GRM8: variants seen among roughly 807,000 people sequenced by gnomAD.
The protein encoded by GRM8 is glutamate metabotropic receptor 8, also known as metabotropic glutamate receptor 8.
Under a neutral mutation model 87.2 loss-of-function variants are expected in GRM8, and 47 were observed. The observed-to-expected ratio is 0.54, with a 90% CI of 0.43 to 0.69. GRM8 has a LOEUF of 0.69. Ranked by LOEUF, GRM8 falls within the 30% of genes least tolerant of loss-of-function variation. The pLI is 0.00. For synonymous variants in GRM8, 396 were observed against 404.5 expected, an observed-to-expected ratio of 0.98 and a Z score of 0.25; for missense variants, 1,019 against 1,139.2, an observed-to-expected ratio of 0.89 and a Z score of 1.52.
At chr7:126,532,064 C>T (rs1473525946) in intron 9 of GRM8, among the ~76,000 whole-genome samples, 1 of 152,206 alleles carries the variant, frequency 6.6e-6, no homozygotes, top group Non-Finnish European at 1.5e-5. Flanking sequence ...CATCCCACTA[C>T]CCGAAAAGTG....
At chr7:126,544,196 T>C (rs1484041354) in intron 8 of GRM8, among the ~76,000 whole-genome samples, 1 of 152,224 alleles carries the variant, frequency 6.6e-6, no homozygotes. Flanking sequence ...CCAACCCCTA[T>C]ATAAGACTTA....
At chr7:126,567,322 A>G (rs1295204355) in intron 8 of GRM8, among the ~76,000 whole-genome samples, 1 of 148,598 alleles carries the variant, frequency 6.7e-6, no homozygotes, top group Admixed American at 6.9e-5. Context: ...AAAACCAAAC[A>G]CCGCATTTTC....
At chr7:127,136,390 T>A (rs1188388068) in intron 2 of GRM8, among the ~76,000 whole-genome samples, 1 of 152,116 alleles carries the variant, frequency 6.6e-6, no homozygotes, top group Non-Finnish European at 1.5e-5. Flanking sequence ...GCAGAATGGA[T>A]TATGTTGTAT....
At chr7:126,677,486 C>T (rs567051506) in intron 7 of GRM8, among the ~76,000 whole-genome samples, 17 of 151,948 alleles carry the variant, frequency 1.1e-4, no homozygotes, top group African/African-American at 2.9e-4. Context: ...ATAAATAAAA[C>T]GTCATATATA....
intron 2 of GRM8, among the ~76,000 whole-genome samples, chr7:127,158,823 A>C (rs1466673262): frequency 6.6e-6 from 1 of 151,832 alleles, no homozygotes; most frequent in Non-Finnish European, 1.5e-5. Flanking sequence ...AAAAGGCTGA[A>C]TATGCTCTCC....
chr7:127,100,069 A>C (rs922862616), intron 3 of GRM8, among the ~76,000 whole-genome samples: 6 of 152,194 alleles, frequency 3.9e-5, no homozygotes, highest in Admixed American at 6.5e-5. Context: ...AAGCTAATAG[A>C]GGCAAGGAGG....
intron 3 of GRM8, among the ~76,000 whole-genome samples, chr7:127,088,358 T>C (rs10954143): frequency 0.7 from 106,727 of 152,138 alleles, 38,611 homozygotes; most frequent in African/African-American, 0.83. Context: ...CACACTAGGG[T>C]TGGTGAAGGC....
intron 8 of GRM8, among the ~76,000 whole-genome samples, chr7:126,564,018 G>A (rs1360508511): frequency 6.6e-6 from 1 of 152,180 alleles, no homozygotes; most frequent in Non-Finnish European, 1.5e-5. Flanking sequence ...GATGGTTATG[G>A]TTATATTTAG....
chr7:127,155,910 TA>T (rs958145361), intron 2 of GRM8, among the ~76,000 whole-genome samples: 3 of 152,120 alleles, frequency 2.0e-5, no homozygotes, highest in African/African-American at 4.8e-5. Flanking sequence ...AACAGAAGGC[TA>T]AACTTGTGGC....
At chr7:126,527,747 T>G (rs77564363) in intron 9 of GRM8, among the ~76,000 whole-genome samples, 1,947 of 152,332 alleles carry the variant, frequency 0.013, 17 homozygotes, top group Middle Eastern at 0.02. Flanking sequence ...TGATGATATT[T>G]TTTTTCTTCC....
intron 3 of GRM8, among the ~76,000 whole-genome samples, chr7:127,103,507 T>C (rs1177654656): frequency 2.0e-5 from 3 of 152,172 alleles, no homozygotes; most frequent in Admixed American, 1.3e-4. Flanking sequence ...GTACAGCCCA[T>C]AGAACCATGA....
At chr7:126,820,170 A>G (rs762052462) in intron 6 of GRM8, among the ~76,000 whole-genome samples, 5 of 152,240 alleles carry the variant, frequency 3.3e-5, no homozygotes, top group African/African-American at 4.8e-5. Flanking sequence ...AAAGAAAGTA[A>G]AAATGCAAAC....
chr7:126,584,947 A>T (rs888401957), intron 8 of GRM8, among the ~76,000 whole-genome samples: 1 of 152,194 alleles, frequency 6.6e-6, no homozygotes, highest in Non-Finnish European at 1.5e-5. Flanking sequence ...CTTAGTATTC[A>T]TAAGCTAAAA....
At chr7:126,776,287 A>C (rs1324112935) in intron 6 of GRM8, among the ~76,000 whole-genome samples, 5 of 152,170 alleles carry the variant, frequency 3.3e-5, no homozygotes, top group Admixed American at 3.3e-4. Flanking sequence ...ATGAGAGAAA[A>C]TATGTTTTAG....
At chr7:126,753,154 T>C (rs1273089982) in intron 7 of GRM8, among the ~76,000 whole-genome samples, 1 of 152,010 alleles carries the variant, frequency 6.6e-6, no homozygotes, top group Non-Finnish European at 1.5e-5. Flanking sequence ...AAATTTTGGA[T>C]CTAGTCCCAA....
At chr7:126,900,556 G>T (rs1801974245) in intron 6 of GRM8, among the ~76,000 whole-genome samples, 1 of 152,084 alleles carries the variant, frequency 6.6e-6, no homozygotes, top group African/African-American at 2.4e-5. Flanking sequence ...TGTCGCCCAG[G>T]CTGGGTGCAG....
chr7:126,995,313 G>C (rs1227732362), intron 3 of GRM8, among the ~76,000 whole-genome samples: 2 of 152,112 alleles, frequency 1.3e-5, no homozygotes, highest in African/African-American at 4.8e-5. Context: ...CAAACATCCA[G>C]AAGTATCAAG....
At chr7:127,130,915 A>AGCCAT (rs1435880496) in intron 2 of GRM8, among the ~76,000 whole-genome samples, 7 of 152,214 alleles carry the variant, frequency 4.6e-5, no homozygotes, top group Non-Finnish European at 1.0e-4. Flanking sequence ...AGGCCTTTAC[A>AGCCAT]GCCATGCAGA....
intron 8 of GRM8, among the ~76,000 whole-genome samples, chr7:126,567,473 G>T (rs1794328351): frequency 6.6e-6 from 1 of 151,976 alleles, no homozygotes; most frequent in Non-Finnish European, 1.5e-5. Flanking sequence ...TAAGTTAATG[G>T]GTGCAGCACA....
Sources: gnomAD v4.1 joint callset for allele counts (sites outside exome capture counted in the v4.1 genomes callset) on GRCh38, gnomAD v4.1.1 for gene constraint, MANE v1.5 for transcripts, NCBI Gene and HGNC (gene_info 2026-07-23, HGNC 2026-07-21) for gene names.